The following AKAP13 variants were observed in gnomAD, a reference collection of about 807,000 sequenced individuals.
AKAP13 encodes the protein A-kinase anchor protein 13.
AKAP13 carries 80 observed loss-of-function variants against 264.5 expected under a neutral mutation model. The observed-to-expected ratio is 0.30, with a 90% CI of 0.25 to 0.36. The LOEUF is 0.36. AKAP13 is among the 10% of genes least tolerant of loss of function. The pLI is 1.00. For missense variants in AKAP13, 3,712 were observed against 3,435.2 expected (o/e 1.08, Z -2.01); for synonymous variants, 1,380 against 1,250.2 (o/e 1.10, Z -2.19).
intron 19 of AKAP13, among the ~76,000 whole-genome samples, chr15:85,713,061 A>T (rs1489884696): frequency 1.3e-5 from 2 of 152,246 alleles, no homozygotes; most frequent in East Asian, 1.9e-4. Flanking sequence ...AAATCAGATC[A>T]TACCTATAAA....
At chr15:85,634,499 T>C (rs1213129414) in intron 8 of AKAP13, among the ~76,000 whole-genome samples, 1 of 152,200 alleles carries the variant, frequency 6.6e-6, no homozygotes, top group Non-Finnish European at 1.5e-5. Flanking sequence ...AATGTTAAGG[T>C]GTGTGGGAAT....
chr15:85,413,083 A>C (rs1303148708), intron 1 of AKAP13, among the ~76,000 whole-genome samples: 1 of 152,216 alleles, frequency 6.6e-6, no homozygotes, highest in Non-Finnish European at 1.5e-5. Context: ...CCTCACAGAA[A>C]AGTTTGTAAG....
At chr15:85,589,182 A>G (rs1470945775) in intron 8 of AKAP13, among the ~76,000 whole-genome samples, 2 of 152,188 alleles carry the variant, frequency 1.3e-5, no homozygotes, top group African/African-American at 4.8e-5. Context: ...CTCTTCACAT[A>G]CTATATTCAT....
At position 85,724,882 on chromosome 15, in the gene AKAP13, C is replaced by G. The variant is rs2087512664; in HGVS notation, c.6746-1528C>G. Among the ~76,000 whole-genome samples the G allele has an allele frequency of 6.6e-6, 1 of 152,132 alleles. No homozygotes were observed. The highest frequency in any genetic ancestry group is 1.5e-5 in the Non-Finnish European group (1 of 68,030). ...GAGAAAGAAATCTCCTTTCCCACCA[C>G]CAGCTGGCTGTGTATTTCATGGTTC... On this transcript the variant is annotated intron_variant, in intron 26 of 36. Coordinates refer to ENST00000394518, the MANE Select transcript of AKAP13 (RefSeq NM_007200.5). The surrounding 1 kb of genome is among the most constrained non-coding windows in gnomAD (Gnocchi z 4.2).
intron 8 of AKAP13, among the ~76,000 whole-genome samples, chr15:85,610,549 G>T (rs546739254): frequency 1.3e-5 from 2 of 152,228 alleles, no homozygotes; most frequent in South Asian, 2.1e-4. Flanking sequence ...TCTTCTTAAA[G>T]TTCTTAACAA....
Position 85,744,905 on chromosome 15 carries a change from C to G in AKAP13, c.*228C>G. The G allele has an allele frequency of 2.1e-6, 1 of 469,690 alleles. No individual in the cohort carries two copies. The highest frequency in any genetic ancestry group is 3.7e-6 in the Non-Finnish European group (1 of 267,422). 29.1% of individuals were successfully genotyped at this position (469,690 alleles called of 1,614,324 possible). A position where few individuals can be genotyped will look rare whatever the true frequency, so the allele number is the denominator to read the frequency against. On this transcript the variant is annotated 3_prime_UTR_variant, in exon 37 of 37. Coordinates refer to ENST00000394518, the MANE Select transcript of AKAP13 (RefSeq NM_007200.5). ...CCATGATTTGTGACTGCCCAGGACT[C>G]TCAGGTTGGGCTGGCCCTACTCAGG...
At chr15:85,527,982 T>C (rs1367381110) in intron 3 of AKAP13, among the ~76,000 whole-genome samples, 1 of 152,250 alleles carries the variant, frequency 6.6e-6, no homozygotes, top group East Asian at 1.9e-4. Flanking sequence ...CAAACACTTT[T>C]AGGGTTTCTT....
intron 19 of AKAP13, among the ~76,000 whole-genome samples, chr15:85,714,182 G>A (rs997083647): frequency 3.3e-5 from 5 of 152,016 alleles, no homozygotes; most frequent in Admixed American, 2.6e-4. Context: ...TAAGCCAAAG[G>A]AAAAAATGTT....
At chr15:85,562,263 A>C (rs1474994135) in intron 5 of AKAP13, among the ~76,000 whole-genome samples, 2 of 152,122 alleles carry the variant, frequency 1.3e-5, no homozygotes, top group Admixed American at 6.6e-5. Context: ...AGTAGTATGC[A>C]TATTAAGAAT....
chr15:85,518,746 T>G (rs199920105), intron 2 of AKAP13, among the ~76,000 whole-genome samples: 1 of 152,302 alleles, frequency 6.6e-6, no homozygotes, highest in East Asian at 1.9e-4. Context: ...GGAGGATCAC[T>G]TGAGTCCTGG....
In AKAP13 at chr15:85,743,815, T is replaced by C; in HGVS notation, c.8382T>C (p.Ser2794=). The change falls in exon 36 of 37, where the codon TCT becomes TCC. Residue 2794 remains serine, a synonymous_variant. Coordinates refer to ENST00000394518, the MANE Select transcript of AKAP13 (RefSeq NM_007200.5). ...EKKKKNKTSR[S]QPGDGPASEV... ...AAAAGAAGAACAAAACCAGCCGCTCTCAGCCCGGTGGTGAGTCACGCACAC... is the reference window on the plus strand; with the variant it reads ...AAAAGAAGAACAAAACCAGCCGCTCCCAGCCCGGTGGTGAGTCACGCACAC... 1 of 1,610,034 alleles carries C rather than the reference T, an allele frequency of 6.2e-7. No individual in the cohort carries two copies. Among genetic ancestry groups the C allele is most frequent in the South Asian group, 1.1e-5 (1 of 90,814 alleles).
chr15:85,429,953 T>TTCACCATGTTTA (rs2072954809), intron 1 of AKAP13, among the ~76,000 whole-genome samples: 1 of 152,268 alleles, frequency 6.6e-6, no homozygotes, highest in African/African-American at 2.4e-5. Flanking sequence ...TGTTGGCTGA[T>TTCACCATGTTTA]TCACCATGTT....
At chr15:85,527,075 CTCCCGAGT>C (rs1247255983) in intron 3 of AKAP13, among the ~76,000 whole-genome samples, 18 of 152,076 alleles carry the variant, frequency 1.2e-4, no homozygotes, top group African/African-American at 3.9e-4. Context: ...CTGCCTCAGC[CTCCCGAGT>C]TCCCGAGTAG....
chr15:85,509,446 A>C (rs1391019175), intron 2 of AKAP13, among the ~76,000 whole-genome samples: 6 of 152,240 alleles, frequency 3.9e-5, no homozygotes, highest in Non-Finnish European at 7.3e-5. Context: ...AAGGACCAAC[A>C]GAACAGGATA....
chr15:85,578,651 GT>G (rs372963732), intron 6 of AKAP13, among the ~76,000 whole-genome samples: 58 of 152,204 alleles, frequency 3.8e-4, no homozygotes, highest in African/African-American at 1.1e-3. Context: ...GCGAGACTCA[GT>G]TTTCATCTAC....
At chr15:85,617,514 A>G (rs1048090345) in intron 8 of AKAP13, among the ~76,000 whole-genome samples, 3 of 152,184 alleles carry the variant, frequency 2.0e-5, no homozygotes, top group Non-Finnish European at 2.9e-5. Context: ...TGTTGGGATT[A>G]CAGGCGTGAG....
chr15:85,522,986 T>A (rs1567103555), intron 3 of AKAP13, among the ~76,000 whole-genome samples: 1 of 134,792 alleles, frequency 7.4e-6, no homozygotes, highest in Admixed American at 8.1e-5. Context: ...CCCACCTGAA[T>A]TTAGTCAGGC....
intron 8 of AKAP13, among the ~76,000 whole-genome samples, chr15:85,622,865 A>G (rs2081256266): frequency 6.6e-6 from 1 of 152,156 alleles, no homozygotes; most frequent in Non-Finnish European, 1.5e-5. Context: ...TTACATGAAT[A>G]TGTATATTAG....
rs188651672 is a variant in AKAP13 at position 85,737,606 on chromosome 15, A to G, written c.7557+1472A>G. On this transcript the variant is annotated intron_variant, in intron 33 of 36. Coordinates refer to ENST00000394518, the MANE Select transcript of AKAP13 (RefSeq NM_007200.5). ...TATATTTGTTGCCACAAAAGTCTAA[A>G]TACAGTGGAGTCCTGAAGGAATCCT... 7.7e-4 allele frequency among the ~76,000 whole-genome samples: 117 copies of G among 152,320 alleles called. 1 individual carries two copies. Among genetic ancestry groups the G allele is most frequent in the Non-Finnish European group, 1.5e-4 (10 of 68,032 alleles).
Sources: gnomAD v4.1 joint callset for allele counts (sites outside exome capture counted in the v4.1 genomes callset) on GRCh38, gnomAD v4.1.1 for gene constraint, Gnocchi (gnomAD v3.1) non-coding constraint, MANE v1.5 for transcripts, NCBI Gene and HGNC (gene_info 2026-07-23, HGNC 2026-07-21) for gene names.